Variants in RAB8B observed in about 807,000 individuals in gnomAD.
RAB8B encodes RAB8B, member RAS oncogene family.
RAB8B carries 11 observed loss-of-function variants against 32.0 expected under a neutral mutation model. The observed-to-expected ratio is 0.34, with a 90% confidence interval of 0.22 to 0.57. The LOEUF (loss-of-function observed/expected upper bound fraction) is 0.57. Ranked by LOEUF, RAB8B falls within the 20% of genes least tolerant of loss-of-function variation. RAB8B has a pLI of 0.86. For synonymous variants in RAB8B, 103 were observed against 89.6 expected (o/e 1.15, Z -0.85); for missense variants, 190 against 258.5 (o/e 0.73, Z 1.82).
chr15:63,238,830 A>G (rs1424790969), intron 1 of RAB8B, among the ~76,000 whole-genome samples: 1 of 152,190 alleles, frequency 6.6e-6, no homozygotes, highest in African/African-American at 2.4e-5. Flanking sequence ...TCCCCGTGGC[A>G]GTGATTAGTT....
chr15:63,215,516 C>CTG (rs761876379), intron 1 of RAB8B, among the ~76,000 whole-genome samples: 6 of 152,290 alleles, frequency 3.9e-5, no homozygotes, highest in East Asian at 1.9e-4. Flanking sequence ...CTGAGAATCC[C>CTG]TATGATAGAC....
intron 6 of RAB8B, among the ~76,000 whole-genome samples, chr15:63,262,019 T>G (rs182674036): frequency 3.9e-5 from 6 of 152,228 alleles, no homozygotes; most frequent in African/African-American, 1.4e-4. Context: ...GATTTTGGAG[T>G]AAGACATGGA....
intron 3 of RAB8B, among the ~76,000 whole-genome samples, chr15:63,253,014 C>T (rs1048191393): frequency 3.9e-5 from 6 of 152,220 alleles, no homozygotes; most frequent in Admixed American, 3.9e-4. Context: ...TCCCAAAGTG[C>T]TGGGATTACA....
chr15:63,257,677 A>G (rs2038168923), intron 5 of RAB8B, among the ~76,000 whole-genome samples: 1 of 152,200 alleles, frequency 6.6e-6, no homozygotes, highest in African/African-American at 2.4e-5. Context: ...TGAGGAATAT[A>G]TAAGAGTTCG....
chr15:63,250,104 C>A (rs1567019999), intron 3 of RAB8B, among the ~76,000 whole-genome samples: 1 of 152,148 alleles, frequency 6.6e-6, no homozygotes, highest in Non-Finnish European at 1.5e-5. Context: ...CCACTGCAGT[C>A]CGCAGTCTGG....
chr15:63,232,999 G>A (rs1021598168), intron 1 of RAB8B, among the ~76,000 whole-genome samples: 14 of 149,362 alleles, frequency 9.4e-5, no homozygotes, highest in Non-Finnish European at 1.6e-4. Context: ...CTTATGCGAC[G>A]TATATTTATG....
At chr15:63,199,000 C>T (rs1291527807) in intron 1 of RAB8B, among the ~76,000 whole-genome samples, 2 of 152,182 alleles carry the variant, frequency 1.3e-5, no homozygotes, top group Non-Finnish European at 2.9e-5. Context: ...TGGTTTTCAA[C>T]AAGGAATCGT....
chr15:63,261,407 T>G (rs1343343478), intron 6 of RAB8B, among the ~76,000 whole-genome samples: 2 of 152,230 alleles, frequency 1.3e-5, no homozygotes, highest in Non-Finnish European at 2.9e-5. Flanking sequence ...GTCTCACTAC[T>G]GAGTATTTAC....
intron 1 of RAB8B, among the ~76,000 whole-genome samples, chr15:63,244,541 A>G (rs1379290427): frequency 6.6e-6 from 1 of 152,240 alleles, no homozygotes; most frequent in East Asian, 1.9e-4. Flanking sequence ...GGCATATAAT[A>G]CGTTGCATTT....
intron 1 of RAB8B, among the ~76,000 whole-genome samples, chr15:63,207,491 T>A (rs553092289): frequency 6.6e-6 from 1 of 151,786 alleles, no homozygotes; most frequent in Non-Finnish European, 1.5e-5. Flanking sequence ...TTAACCCATA[T>A]TTTTTTTCAG....
intron 2 of RAB8B, 39 bp from the exon 3 acceptor site, chr15:63,249,606 A>C (rs909025344): frequency 6.3e-7 from 1 of 1,592,256 alleles, no homozygotes; most frequent in African/African-American, 1.3e-5. Context: ...GATGCTGGTG[A>C]TGACTTCAAA....
intron 3 of RAB8B, among the ~76,000 whole-genome samples, chr15:63,253,784 G>A (rs1233442472): frequency 6.6e-6 from 1 of 152,230 alleles, no homozygotes; most frequent in East Asian, 1.9e-4. Flanking sequence ...GTAAGATTCT[G>A]GAATATTTAG....
Position 63,248,624 on chromosome 15 carries a change from G to A in RAB8B, c.186-1021G>A, listed in dbSNP as rs1056700875. 6.6e-6 allele frequency among the ~76,000 whole-genome samples: 1 copy of A among 152,218 alleles called. No homozygotes were observed. The highest frequency in any genetic ancestry group is 2.4e-5 in the African/African-American group (1 of 41,460). On this transcript the variant is annotated intron_variant, in intron 2 of 7. Transcript: ENST00000321437. The surrounding 1 kb of genome is among the most constrained non-coding windows in gnomAD (Gnocchi z 4.4). ...CCTCATCTGCAGAACTTGGATGCTG[G>A]TAACACCCCCAGCCAGTAGCCCACC...
intron 1 of RAB8B, among the ~76,000 whole-genome samples, chr15:63,197,878 G>C (rs548989189): frequency 7.9e-5 from 12 of 152,322 alleles, no homozygotes; most frequent in African/African-American, 2.2e-4. Context: ...AGTAGGGAAA[G>C]AGAGGGAGGG....
Position 63,190,887 on chromosome 15 carries a change from A to C in RAB8B, c.124+1139A>C, listed in dbSNP as rs924648506. Among the ~76,000 whole-genome samples, 7 of 152,364 alleles carry C rather than the reference A, an allele frequency of 4.6e-5. No individual in the cohort carries two copies. In the South Asian group the frequency reaches 8.3e-4, roughly 18 times the overall value. ...TGTTAAGTGAATCACAACATGTGAT[A>C]TACCTCTCAGTTACTTCCAATTGAA... is the stretch of plus-strand genomic sequence containing the variant. On this transcript the variant is annotated intron_variant, in intron 1 of 7. Transcript: ENST00000321437.
chr15:63,267,752 A>T lies in RAB8B; in HGVS notation c.*4133A>T, dbSNP rs1388191872. 1 of 152,174 alleles carries T rather than the reference A, an allele frequency of 6.6e-6. No homozygotes were observed. Among genetic ancestry groups the T allele is most frequent in the Non-Finnish European group, 1.5e-5 (1 of 68,042 alleles). 9.4% of individuals were successfully genotyped at this position (152,174 alleles called of 1,614,324 possible). A position where few individuals can be genotyped will look rare whatever the true frequency, so the allele number is the denominator to read the frequency against. ...TTTTATAATAATGTTCGTCTAAAAT[A>T]AAAACTACATAATGAAAATGAAAAT... On this transcript the variant is annotated 3_prime_UTR_variant, in exon 8 of 8. Transcript: ENST00000321437.
At chr15:63,219,033 T>TTTA (rs2037819396) in intron 1 of RAB8B, among the ~76,000 whole-genome samples, 1 of 131,862 alleles carries the variant, frequency 7.6e-6, no homozygotes, top group East Asian at 2.1e-4. Context: ...TTTTTTTTTT[T>TTTA]AGAAGGAAAG....
Position 63,266,206 on chromosome 15 carries a change from G to A in RAB8B, c.*2587G>A, listed in dbSNP as rs564531405. 1 of 152,660 alleles carries A rather than the reference G, an allele frequency of 6.6e-6. No homozygotes were observed. The highest frequency in any genetic ancestry group is 3.4e-3 in the Middle Eastern group (1 of 294). The allele number at this position is 152,660 out of a possible 1,614,324, so 9.5% of individuals were successfully genotyped here. On this transcript the variant is annotated 3_prime_UTR_variant, in exon 8 of 8. Coordinates refer to ENST00000321437, the MANE Select transcript of RAB8B (RefSeq NM_016530.3). ...GAAGATTTTTGCAGCAGTATTAGTG[G>A]TTCAGTGGCTGCACTTTATTAATCA...
At chr15:63,206,271 C>T (rs150544969) in intron 1 of RAB8B, among the ~76,000 whole-genome samples, 9 of 151,922 alleles carry the variant, frequency 5.9e-5, no homozygotes, top group Admixed American at 2.0e-4. Flanking sequence ...TCATTTATGC[C>T]GCACATAAAT....
Sources: allele counts gnomAD v4.1 joint callset (sites outside exome capture counted in the v4.1 genomes callset), GRCh38; gene constraint gnomAD v4.1.1; non-coding constraint Gnocchi (gnomAD v3.1); transcripts MANE v1.5; gene names NCBI Gene and HGNC (gene_info 2026-07-23, HGNC 2026-07-21).